The following TUBGCP2 variants were observed in gnomAD, a reference collection of about 807,000 sequenced individuals.
The protein encoded by TUBGCP2 is gamma-tubulin complex component 2.
Under a neutral mutation model 92.2 loss-of-function variants are expected in TUBGCP2, and 55 were observed. The observed-to-expected ratio is 0.60, with a 90% CI of 0.48 to 0.75. TUBGCP2 has a LOEUF of 0.75. TUBGCP2 is among the 30% of genes least tolerant of loss of function. The probability of loss-of-function intolerance (pLI) is 0.00; values close to 1 mark genes in which losing one functional copy is unlikely to be tolerated. For missense variants in TUBGCP2, 1,093 were observed against 1,188.9 expected (o/e 0.92, Z 1.19); for synonymous variants, 533 against 505.2 (o/e 1.06, Z -0.74).
chr10:133,281,453 G>A lies in TUBGCP2; in HGVS notation c.2410-17C>T, dbSNP rs1425502756. The A allele has an allele frequency of 6.2e-7, 1 of 1,608,854 alleles. No individual in the cohort carries two copies. Among genetic ancestry groups the A allele is most frequent in the Admixed American group, 1.7e-5 (1 of 59,982 alleles). Reference sequence around the variant, plus strand: ...AGCCAGGTGCTGGAAAGAAAGCCGGGGTGCGTGAGCCATGCCCACCCCCAC... The same window carrying A: ...AGCCAGGTGCTGGAAAGAAAGCCGGAGTGCGTGAGCCATGCCCACCCCCAC... On this transcript the variant is annotated splice_polypyrimidine_tract_variant and intron_variant, in intron 16 of 17. Coordinates refer to ENST00000252936, the MANE Select transcript of TUBGCP2 (RefSeq NM_006659.4).
intron 1 of TUBGCP2, among the ~76,000 whole-genome samples, chr10:133,306,143 G>A (rs1052155555): frequency 6.6e-6 from 1 of 152,216 alleles, no homozygotes; most frequent in Non-Finnish European, 1.5e-5. Flanking sequence ...AAATGGTTAG[G>A]TTTACAAAAG....
intron 5 of TUBGCP2, among the ~76,000 whole-genome samples, chr10:133,294,516 C>A (rs185352491): frequency 6.6e-6 from 1 of 152,356 alleles, no homozygotes; most frequent in East Asian, 1.9e-4. Context: ...TGGGAAGTGT[C>A]CTGTGACTGC....
chr10:133,288,700 A>C, intron 10 of TUBGCP2, 140 bp downstream of exon 10: 10 of 1,020,476 alleles, frequency 9.8e-6, no homozygotes, highest in Non-Finnish European at 1.4e-5. Context: ...TCCTTGAGCT[A>C]GAGACCATCC....
At chr10:133,295,839 C>A (rs868041299) in intron 5 of TUBGCP2, 16 of 152,496 alleles carry the variant, frequency 1.0e-4, no homozygotes, top group African/African-American at 3.9e-4. Flanking sequence ...CGTGGTGTGG[C>A]ACTGGTCAAA....
chr10:133,297,874 A>G (rs532793120), intron 5 of TUBGCP2, 78 bp downstream of exon 5: 1 of 1,578,056 alleles, frequency 6.3e-7, no homozygotes, highest in East Asian at 2.3e-5. Flanking sequence ...TAAACACATG[A>G]CATACCTATC....
intron 6 of TUBGCP2, 101 bp from the exon 7 acceptor site, chr10:133,293,339 C>T: frequency 1.4e-6 from 2 of 1,404,912 alleles, no homozygotes; most frequent in South Asian, 1.3e-5. Context: ...AAATGACTCA[C>T]TTGAACCCCA....
upstream of TUBGCP2, among the ~76,000 whole-genome samples, chr10:133,310,872 G>A (rs558268506): frequency 6.6e-6 from 1 of 152,192 alleles, no homozygotes; most frequent in South Asian, 2.1e-4. Flanking sequence ...TGTGATGTAG[G>A]TTCACTGCAA....
At chr10:133,301,150 C>T (rs372156277) in intron 2 of TUBGCP2, among the ~76,000 whole-genome samples, 4 of 152,094 alleles carry the variant, frequency 2.6e-5, no homozygotes, top group East Asian at 1.9e-4. Context: ...TTCTTTTGGA[C>T]GGAGTTTCGC....
intron 11 of TUBGCP2, among the ~76,000 whole-genome samples, chr10:133,286,060 A>G (rs569752740): frequency 5.9e-5 from 9 of 152,180 alleles, no homozygotes; most frequent in African/African-American, 2.2e-4. Flanking sequence ...AGTATTTGCT[A>G]AGTTCCAACC....
At chr10:133,307,699 C>T (rs1026120798) in intron 1 of TUBGCP2, among the ~76,000 whole-genome samples, 1 of 152,164 alleles carries the variant, frequency 6.6e-6, no homozygotes, top group African/African-American at 2.4e-5. Context: ...GAGCCCAGAT[C>T]GCGCCACTGC....
upstream of TUBGCP2, chr10:133,311,861 C>T (rs775734845): frequency 5.0e-6 from 8 of 1,613,334 alleles, no homozygotes; most frequent in South Asian, 3.3e-5. Context: ...TGAGCTCTTT[C>T]TGAAACCCGT....
intron 16 of TUBGCP2, among the ~76,000 whole-genome samples, chr10:133,281,699 G>A (rs1846982124): frequency 6.6e-6 from 1 of 152,268 alleles, no homozygotes; most frequent in African/African-American, 2.4e-5. Context: ...AGCTTTCCCA[G>A]CAGCTTTCTC....
At position 133,279,570 on chromosome 10, in the gene TUBGCP2, A is replaced by T; in HGVS notation, c.*196T>A. 1.3e-6 allele frequency: 1 copy of T among 763,506 alleles called. No individual in the cohort carries two copies. The highest frequency in any genetic ancestry group is 1.9e-6 in the Non-Finnish European group (1 of 515,504). 47.3% of individuals were successfully genotyped at this position (763,506 alleles called of 1,614,324 possible). A position where few individuals can be genotyped will look rare whatever the true frequency, so the allele number is the denominator to read the frequency against. ...AGCAAACAGATTAGCAAATCCAGGG[A>T]GACATCCACCCTGCCTGGGCAGCTT... On this transcript the variant is annotated 3_prime_UTR_variant, in exon 18 of 18. Coordinates refer to ENST00000252936, the MANE Select transcript of TUBGCP2 (RefSeq NM_006659.4).
Position 133,293,742 on chromosome 10 carries a change from G to A in TUBGCP2, c.644C>T (p.Ser215Leu), listed in dbSNP as rs778308160. 36 of 1,596,924 alleles carry A rather than the reference G, an allele frequency of 2.3e-5. No individual in the cohort carries two copies. Among genetic ancestry groups the A allele is most frequent in the African/African-American group, 1.2e-4 (9 of 74,796 alleles). The stretch of plus-strand genomic sequence containing the variant: ...GTACAGCAGGTCCTCCACCACGGCC[G>A]ACTCCTGCGAGGCCAGGGGCAACGT... ...IGTLPLASQESAVVEDLLYVL... is the reference protein window; with the variant it reads ...IGTLPLASQELAVVEDLLYVL... The change falls in exon 6 of 18, where the codon TCG (serine) becomes TTG (leucine). Residue 215 changes from serine (S) to leucine (L), a missense_variant. By Grantham distance (145) the Ser-to-Leu change is moderately radical. Around this residue, in one of 3 missense-constraint regions of TUBGCP2, gnomAD observed 490 missense variants for 488.5 expected, o/e 1.00. Transcript: ENST00000252936.
intron 14 of TUBGCP2, 31 bp downstream of exon 14, chr10:133,283,850 CA>C: frequency 6.2e-7 from 1 of 1,610,390 alleles, no homozygotes; most frequent in South Asian, 1.1e-5. Flanking sequence ...AAGTGGCTTT[CA>C]AACGTTATTA....
chr10:133,311,750 G>C, upstream of TUBGCP2: 2 of 1,613,720 alleles, frequency 1.2e-6, no homozygotes, highest in Non-Finnish European at 1.7e-6. Flanking sequence ...GGACAGTGGA[G>C]AGCGGTCAGA....
chr10:133,284,369 CT>C (rs111954922), intron 13 of TUBGCP2, among the ~76,000 whole-genome samples: 9,811 of 152,168 alleles, frequency 0.064, 451 homozygotes, highest in African/African-American at 0.13. Flanking sequence ...CTTCTAATTT[CT>C]TTTTTTCTTC....
chr10:133,310,555 G>A (rs1195909375), upstream of TUBGCP2: 14 of 490,554 alleles, frequency 2.9e-5, no homozygotes, highest in East Asian at 7.7e-5. Flanking sequence ...ATGAGCGGGC[G>A]CAGCGCCTCC....
In TUBGCP2 at chr10:133,282,246, C is replaced by T. The variant is rs147917925; in HGVS notation, c.2386G>A (p.Ala796Thr). 7.3e-4 allele frequency: 1,179 copies of T among 1,611,792 alleles called. 3 individuals are homozygous for T. In the African/African-American group the frequency reaches 0.01, roughly 14 times the overall value. The change falls in exon 16 of 18, where the codon GCC becomes ACC. Residue 796 changes from alanine to threonine, a missense_variant. Around this residue, in one of 3 missense-constraint regions of TUBGCP2, gnomAD observed 598 missense variants for 675.5 expected, o/e 0.89. Transcript: ENST00000252936. The part of the protein sequence containing the change: ...LGLPAGAEER[A>T]RKELARKHLA... ...ACCTTCCTGGCGAGCTCCTTCCGGG[C>T]CCGCTCCTCGGCCCCTGCGGGCAGC...
Sources: allele counts gnomAD v4.1 joint callset (sites outside exome capture counted in the v4.1 genomes callset), GRCh38; gene constraint gnomAD v4.1.1; regional missense constraint gnomAD v4.1.1; transcripts MANE v1.5; gene names NCBI Gene and HGNC (gene_info 2026-07-23, HGNC 2026-07-21).